Variants in TTC16 observed in about 807,000 individuals in gnomAD.
The protein encoded by TTC16 is tetratricopeptide repeat protein 16.
Under a neutral mutation model 80.4 loss-of-function variants are expected in TTC16, and 66 were observed. That is an observed-to-expected ratio of 0.82 (90% CI 0.67 to 1.01). The LOEUF is 1.01. Among genes scored for constraint, TTC16 ranks in the 50% least tolerant of loss-of-function variants. The pLI, the probability that TTC16 is intolerant of heterozygous loss-of-function variation, is 0.00. For synonymous variants in TTC16, 438 were observed against 451.3 expected, an observed-to-expected ratio of 0.97 and a Z score of 0.37; for missense variants, 1,070 against 1,103.2, an observed-to-expected ratio of 0.97 and a Z score of 0.43.
chr9:127,720,412 G>C lies in TTC16; in HGVS notation c.657+17G>C. The C allele has an allele frequency of 6.2e-7, 1 of 1,608,678 alleles. No individual in the cohort carries two copies. The highest frequency in any genetic ancestry group is 8.5e-7 in the Non-Finnish European group (1 of 1,177,176). On this transcript the variant is annotated intron_variant, in intron 6 of 13. Coordinates refer to ENST00000373289, the MANE Select transcript of TTC16 (RefSeq NM_144965.3). ...CTCCAGAAGGTACAGTGGGGAGGGC[G>C]GGCAGGGGCATGCCCCCCAACCTGG...
In TTC16 at chr9:127,727,108, G is replaced by T. The variant is rs936990344; in HGVS notation, c.1564G>T (p.Val522Leu). Residue 522 changes from valine to leucine, a missense_variant, in exon 11 of 14, where the codon GTG (valine) becomes TTG (leucine). Coordinates refer to ENST00000373289, the MANE Select transcript of TTC16 (RefSeq NM_144965.3). Reference protein sequence around the residue: ...SLQAGSPQGIVGMLKRHELER... With the variant: ...SLQAGSPQGILGMLKRHELER... ...GCAGGCCGGCAGCCCACAAGGCATT[G>T]TGGGGTAAGCCCTGGAGCAAGGGGC... The T allele has an allele frequency of 6.3e-7, 1 of 1,599,516 alleles. No individual in the cohort carries two copies. Among genetic ancestry groups the T allele is most frequent in the Non-Finnish European group, 8.5e-7 (1 of 1,172,202 alleles).
Position 127,724,779 on chromosome 9 carries a change from C to G in TTC16, c.1141C>G (p.Leu381Val), listed in dbSNP as rs952500810. 6.2e-7 allele frequency: 1 copy of G among 1,610,676 alleles called. No individual in the cohort carries two copies. Residue 381 changes from leucine to valine, a missense_variant, in exon 9 of 14, where the codon CTG (leucine) becomes GTG (valine). Physicochemically the swap from Leu to Val is conservative, Grantham distance 32. Coordinates refer to ENST00000373289, the MANE Select transcript of TTC16 (RefSeq NM_144965.3). The part of the protein sequence containing the change: ...RGDCFFQLGN[L>V]AFAEADYQQA... Reference sequence around the variant, plus strand: ...AGATTGCTTCTTCCAGCTGGGCAACCTGGCCTTTGCCGAGGCGGACTACCA... The same window carrying G: ...AGATTGCTTCTTCCAGCTGGGCAACGTGGCCTTTGCCGAGGCGGACTACCA...
In TTC16 at chr9:127,729,607, C is replaced by G. The variant is rs755014992; in HGVS notation, c.1791C>G (p.Ser597Arg). 1.9e-6 allele frequency: 3 copies of G among 1,613,872 alleles called. 1 individual carries two copies. The highest frequency in any genetic ancestry group is 3.3e-4 in the Middle Eastern group (2 of 6,062). The change falls in exon 13 of 14, where the codon AGC becomes AGG. Residue 597 changes from serine (S) to arginine (R), a missense_variant. Physicochemically the swap from Ser to Arg is moderately radical, Grantham distance 110. Coordinates refer to ENST00000373289, the MANE Select transcript of TTC16 (RefSeq NM_144965.3). ...AGAAAAAATCAGAGCTCATACCTAG[C>G]AAGGTGGCGTCCCTGTCTGACAGCT... ...KEEKKSELIP[S>R]KVASLSDSYL...
intron 13 of TTC16, 113 bp downstream of exon 13, chr9:127,729,781 CTG>C: frequency 1.1e-6 from 1 of 929,436 alleles, no homozygotes; most frequent in Non-Finnish European, 1.7e-6. Flanking sequence ...CTGCTGACAG[CTG>C]GGTGGCCTGG....
intron 6 of TTC16, 109 bp downstream of exon 6, chr9:127,720,504 C>A: frequency 6.9e-7 from 1 of 1,439,630 alleles, no homozygotes; most frequent in African/African-American, 1.4e-5. Flanking sequence ...AAGCCCCATC[C>A]CACAGTGCAG....
In TTC16 at chr9:127,729,730, A is replaced by T; in HGVS notation, c.1852+62A>T. The T allele has an allele frequency of 2.6e-6, 4 of 1,516,422 alleles. No individual in the cohort carries two copies. In the South Asian group the frequency reaches 4.5e-5, roughly 17 times the overall value. The allele number at this position is 1,516,422 out of a possible 1,614,324, so 93.9% of individuals were successfully genotyped here. On this transcript the variant is annotated intron_variant, in intron 13 of 13. Coordinates refer to ENST00000373289, the MANE Select transcript of TTC16 (RefSeq NM_144965.3). ...TAAGGCAGCAGGGTAGTCAAAGCTCAGGGGTCGAAGACCGCTGGCCTAGGT... is the reference window on the plus strand; with the variant it reads ...TAAGGCAGCAGGGTAGTCAAAGCTCTGGGGTCGAAGACCGCTGGCCTAGGT...
chr9:127,717,328 C>T lies in TTC16; in HGVS notation c.192-6C>T. The T allele has an allele frequency of 6.2e-7, 1 of 1,608,862 alleles. No homozygotes were observed. Among genetic ancestry groups the T allele is most frequent in the Middle Eastern group, 1.7e-4 (1 of 6,060 alleles). On this transcript the variant is annotated splice_polypyrimidine_tract_variant and splice_region_variant and intron_variant, in intron 2 of 13. Coordinates refer to ENST00000373289, the MANE Select transcript of TTC16 (RefSeq NM_144965.3). ...ACCCCTCTGCCTGTCCCCACTTTCC[C>T]CACAGCTACTCCAGAGGCCAGCAGT...
rs149644858 is a variant in TTC16, at chr9:127,717,635, T to C, written c.289T>C (p.Phe97Leu). Residue 97 changes from phenylalanine to leucine, a missense_variant, in exon 4 of 14, where the codon TTC (phenylalanine) becomes CTC (leucine). Phe to Leu is a conservative substitution (Grantham distance 22, BLOSUM62 0). Coordinates refer to ENST00000373289, the MANE Select transcript of TTC16 (RefSeq NM_144965.3). ...ALHLDPQLVD[F>L]YALRAEAYLQ... The stretch of plus-strand genomic sequence containing the variant: ...TGGGTCCCCTCACCCTCAGGTGGAC[T>C]TCTATGCCTTACGGGCTGAGGCCTA... 19 of 1,613,862 alleles carry C rather than the reference T, an allele frequency of 1.2e-5. No individual in the cohort carries two copies. In the African/African-American group the frequency reaches 1.7e-4, roughly 15 times the overall value.
At position 127,726,416 on chromosome 9, in the gene TTC16, C is replaced by T; in HGVS notation, c.1425+12C>T. On this transcript the variant is annotated intron_variant, in intron 10 of 13. Transcript: ENST00000373289. ...CCAAGCAACCAAAGGTAGGTTCCTG[C>T]CACGTCAGGAGTGTAGGCTCCGGAG... 1 of 1,582,362 alleles carries T rather than the reference C, an allele frequency of 6.3e-7. No individual in the cohort carries two copies. Among genetic ancestry groups the T allele is most frequent in the African/African-American group, 1.3e-5 (1 of 74,342 alleles).
chr9:127,727,510 G>A, intron 12 of TTC16, 45 bp downstream of exon 12: 1 of 1,545,590 alleles, frequency 6.5e-7, no homozygotes, highest in Non-Finnish European at 8.7e-7. Context: ...GGGGTCTGGG[G>A]CACAGCGTAC....
At position 127,724,134 on chromosome 9, in the gene TTC16, G is replaced by T; in HGVS notation, c.887G>T (p.Arg296Leu). ...CCCCCCGACAGGGGCACCATGTACCGACGGCTCCAGGAGTTCGATGGGGCA... is the reference window on the plus strand; with the variant it reads ...CCCCCCGACAGGGGCACCATGTACCTACGGCTCCAGGAGTTCGATGGGGCA... Reference protein sequence around the residue: ...SLFLFRGTMYRRLQEFDGAVE... With the variant: ...SLFLFRGTMYLRLQEFDGAVE... Residue 296 changes from arginine to leucine, a missense_variant, in exon 8 of 14, where the codon CGA becomes CTA. Physicochemically the swap from Arg to Leu is moderately radical, Grantham distance 102 (BLOSUM62 -2). Coordinates refer to ENST00000373289, the MANE Select transcript of TTC16 (RefSeq NM_144965.3). 1 of 1,611,410 alleles carries T rather than the reference G, an allele frequency of 6.2e-7. No homozygotes were observed. Among genetic ancestry groups the T allele is most frequent in the Non-Finnish European group, 8.5e-7 (1 of 1,179,142 alleles).
intron 7 of TTC16, 74 bp from the exon 8 acceptor site, chr9:127,724,046 T>C: frequency 6.9e-7 from 1 of 1,457,894 alleles, no homozygotes; most frequent in Admixed American, 2.6e-5. Flanking sequence ...GTGGCTTGTC[T>C]GGCCACTAGC....
rs760041273 is a variant in TTC16 at position 127,726,982 on chromosome 9, A to G, written c.1438A>G (p.Met480Val). ...CCTTTCGTGGCAGCTGTCCCTGCTG[A>G]TGACCAACCTCTTCCCGGGCATGTC... ...NPKQPKLSLL[M>V]TNLFPGMSVE... Residue 480 changes from methionine to valine, a missense_variant, in exon 11 of 14, where the codon ATG becomes GTG. Met to Val is a conservative substitution (Grantham distance 21, BLOSUM62 1). Transcript: ENST00000373289. 1.2e-6 allele frequency: 2 copies of G among 1,613,066 alleles called. No homozygotes were observed. The highest frequency in any genetic ancestry group is 2.7e-5 in the African/African-American group (2 of 74,924).
chr9:127,721,958 G>A (rs973223195), intron 6 of TTC16, among the ~76,000 whole-genome samples: 7 of 152,138 alleles, frequency 4.6e-5, no homozygotes, highest in Non-Finnish European at 8.8e-5. Flanking sequence ...CACTGCGCCC[G>A]GCTGAGACTA....
Position 127,716,875 on chromosome 9 carries a change from G to T in TTC16, c.50G>T (p.Arg17Leu), listed in dbSNP as rs761369792. ...DALKVDQGPS[R>L]DIPKPWVIPA... ...CTGAAGGTTGACCAGGGCCCCTCAC[G>T]GGACATCCCAAAGCCATGGGTGATT... is the stretch of plus-strand genomic sequence containing the variant. Residue 17 changes from arginine (R) to leucine (L), a missense_variant, in exon 2 of 14, where the codon CGG (arginine) becomes CTG (leucine). Coordinates refer to ENST00000373289, the MANE Select transcript of TTC16 (RefSeq NM_144965.3). 1 of 1,613,664 alleles carries T rather than the reference G, an allele frequency of 6.2e-7. No individual in the cohort carries two copies. Among genetic ancestry groups the T allele is most frequent in the Non-Finnish European group, 8.5e-7 (1 of 1,179,724 alleles).
In TTC16 at chr9:127,716,566, G is replaced by A. The variant is rs1022779056; in HGVS notation, c.19-278G>A. ...GTGTCAGTAGCCGGAAGTGGGAGCT[G>A]GGAAGGCCCTGGGGGAGAACAGACG... On this transcript the variant is annotated intron_variant, in intron 1 of 13. Transcript: ENST00000373289. The A allele has an allele frequency of 5.5e-6, 3 of 550,356 alleles. No individual in the cohort carries two copies. In the African/African-American group the frequency reaches 5.7e-5, roughly 10 times the overall value. 34.1% of individuals were successfully genotyped at this position (550,356 alleles called of 1,614,324 possible). A position where few individuals can be genotyped will look rare whatever the true frequency, so the allele number is the denominator to read the frequency against.
Position 127,718,745 on chromosome 9 carries a change from A to G in TTC16, c.426+973A>G, listed in dbSNP as rs1843236127. Among the ~76,000 whole-genome samples the G allele has an allele frequency of 1.3e-5, 2 of 151,980 alleles. No individual in the cohort carries two copies. The highest frequency in any genetic ancestry group is 2.1e-4 in the South Asian group (1 of 4,822). ...TAGCTAGGATTACAGATGTGCATCA[A>G]CATGCCTGGCTAATTTTTGTACTTT... On this transcript the variant is annotated intron_variant, in intron 4 of 13. Coordinates refer to ENST00000373289, the MANE Select transcript of TTC16 (RefSeq NM_144965.3). The surrounding 1 kb of genome is among the most constrained non-coding windows in gnomAD (Gnocchi z 4.6).
chr9:127,724,847 G>T lies in TTC16; in HGVS notation c.1209G>T (p.Thr403=), dbSNP rs1224991456. ...GCCCTCAGGACGAGGGCGCCAACAC[G>T]CGCATGGGCCTGCTGCAGGAGAAGA... ...ALSPQDEGAN[T]RMGLLQEKMG... is the part of the protein sequence containing the mutation. Residue 403 remains threonine (T), a synonymous_variant, in exon 9 of 14, where the codon ACG becomes ACT. Coordinates refer to ENST00000373289, the MANE Select transcript of TTC16 (RefSeq NM_144965.3). 6.3e-7 allele frequency: 1 copy of T among 1,594,916 alleles called. No homozygotes were observed. The highest frequency in any genetic ancestry group is 1.3e-5 in the African/African-American group (1 of 74,726).
In TTC16 at chr9:127,717,427, G is replaced by A; in HGVS notation, c.282+3G>A. ...CACTCCACCTGGACCCACAGCTGGT[G>A]AGAGGCAGACCTGGGTGGGCACAGG... On this transcript the variant is annotated splice_donor_region_variant and intron_variant, in intron 3 of 13. Transcript: ENST00000373289. 6.2e-7 allele frequency: 1 copy of A among 1,611,038 alleles called. No homozygotes were observed. The highest frequency in any genetic ancestry group is 1.1e-5 in the South Asian group (1 of 90,954).
Sources: gnomAD v4.1 joint callset for allele counts (sites outside exome capture counted in the v4.1 genomes callset) on GRCh38, gnomAD v4.1.1 for gene constraint, Gnocchi (gnomAD v3.1) non-coding constraint, MANE v1.5 for transcripts, NCBI Gene and HGNC (gene_info 2026-07-23, HGNC 2026-07-21) for gene names.